NRBP2: variants seen among roughly 807,000 people sequenced by gnomAD.
The protein encoded by NRBP2 is nuclear receptor-binding protein 2.
Under a neutral mutation model 74.4 loss-of-function variants are expected in NRBP2, and 47 were observed. The observed-to-expected ratio is 0.63, with a 90% CI of 0.50 to 0.81. The LOEUF (loss-of-function observed/expected upper bound fraction) is 0.81, where lower values mean the gene tolerates loss of function less well. NRBP2 is among the 30% of genes least tolerant of loss of function. The probability of loss-of-function intolerance (pLI) is 0.00; values close to 1 mark genes in which losing one functional copy is unlikely to be tolerated. For synonymous variants in NRBP2, 312 were observed against 273.8 expected (o/e 1.14, Z -1.38); for missense variants, 613 against 690.1 (o/e 0.89, Z 1.25).
Position 143,839,580 on chromosome 8 carries a change from G to A in NRBP2, c.445-31C>T. Reference sequence around the variant, plus strand: ...GGCGGACGCACGACTCCGTCGGTCGGGTGGGCGCAGGAGAGGCGGCTGGGC... The same window carrying A: ...GGCGGACGCACGACTCCGTCGGTCGAGTGGGCGCAGGAGAGGCGGCTGGGC... On this transcript the variant is annotated intron_variant, in intron 4 of 17. Transcript: ENST00000442628. This position sits in a 1 kb window ranked among gnomAD's most constrained non-coding sequence, Gnocchi z 5.1. 6.6e-7 allele frequency: 1 copy of A among 1,525,292 alleles called. No homozygotes were observed. The highest frequency in any genetic ancestry group is 1.2e-5 in the South Asian group (1 of 82,908). 94.5% of individuals were successfully genotyped at this position (1,525,292 alleles called of 1,614,324 possible).
chr8:143,838,589 T>G, intron 10 of NRBP2, 91 bp downstream of exon 10: 1 of 919,646 alleles, frequency 1.1e-6, no homozygotes, highest in South Asian at 1.6e-5. Context: ...CTGCACAAAC[T>G]GTGATGTTCT....
chr8:143,831,054 T>TG (rs770900227), downstream of NRBP2, among the ~76,000 whole-genome samples: 2 of 151,852 alleles, frequency 1.3e-5, no homozygotes, highest in East Asian at 3.9e-4. Context: ...GGATGGGAGG[T>TG]GGGGGGCTGG....
Position 143,839,001 on chromosome 8 carries a change from A to G in NRBP2, c.688+16T>C. 10 of 1,551,812 alleles carry G rather than the reference A, an allele frequency of 6.4e-6. No homozygotes were observed. The highest frequency in any genetic ancestry group is 7.8e-6 in the Non-Finnish European group (9 of 1,148,516). The stretch of plus-strand genomic sequence containing the variant: ...CGCAGGGTAGGCACGGGGCACCCGG[A>G]CCCAGCACCACTCACCTCCATACTC... On this transcript the variant is annotated intron_variant, in intron 8 of 17. Coordinates refer to ENST00000442628, the MANE Select transcript of NRBP2 (RefSeq NM_178564.4). The surrounding 1 kb of genome is among the most constrained non-coding windows in gnomAD (Gnocchi z 5.1).
In NRBP2 at chr8:143,840,294, C is replaced by T; in HGVS notation, c.130-65G>A. On this transcript the variant is annotated intron_variant, in intron 1 of 17. Coordinates refer to ENST00000442628, the MANE Select transcript of NRBP2 (RefSeq NM_178564.4). This position sits in a 1 kb window ranked among gnomAD's most constrained non-coding sequence, Gnocchi z 5.7. ...TCAGGGTTGTGGGTGAGGATTTGGT[C>T]CCTGTCCACACCTTTCCAGTGGGCC... 6.6e-7 allele frequency: 1 copy of T among 1,524,724 alleles called. No homozygotes were observed. The highest frequency in any genetic ancestry group is 8.8e-7 in the Non-Finnish European group (1 of 1,140,176). 94.4% of individuals were successfully genotyped at this position (1,524,724 alleles called of 1,614,324 possible). A position where few individuals can be genotyped will look rare whatever the true frequency, so the allele number is the denominator to read the frequency against.
chr8:143,838,084 T>A (rs1818509343), intron 10 of NRBP2: 1 of 566,336 alleles, frequency 1.8e-6, no homozygotes, highest in African/African-American at 1.9e-5. Context: ...GGCCCAACAC[T>A]GGAGACGACC....
chr8:143,839,880 C>T lies in NRBP2; in HGVS notation c.354+49G>A. 3 of 1,534,836 alleles carry T rather than the reference C, an allele frequency of 2.0e-6. No homozygotes were observed. The highest frequency in any genetic ancestry group is 2.6e-6 in the Non-Finnish European group (3 of 1,145,728). On this transcript the variant is annotated intron_variant, in intron 3 of 17. Coordinates refer to ENST00000442628, the MANE Select transcript of NRBP2 (RefSeq NM_178564.4). The surrounding 1 kb of genome is among the most constrained non-coding windows in gnomAD (Gnocchi z 5.1). Reference sequence around the variant, plus strand: ...AGCTGCGGGTTCGTCCCCATGCCCGCCCCACCTAGCTGTGGTCTCTGCCTG... The same window carrying T: ...AGCTGCGGGTTCGTCCCCATGCCCGTCCCACCTAGCTGTGGTCTCTGCCTG...
Position 143,836,829 on chromosome 8 carries a change from G to A in NRBP2, c.1263+210C>T, listed in dbSNP as rs148337751. Among the ~76,000 whole-genome samples, 1,037 of 152,104 alleles carry A rather than the reference G, an allele frequency of 6.8e-3. 9 individuals carry two copies. The highest frequency in any genetic ancestry group is 0.012 in the Non-Finnish European group (786 of 67,960). On this transcript the variant is annotated intron_variant, in intron 14 of 17. Transcript: ENST00000442628. ...GCAGGATGCAGGGGAAGGATCTGAG[G>A]GGACAGGGAGCCTCCCGGAAAAGGA...
chr8:143,830,269 G>A (rs949922286), downstream of NRBP2, among the ~76,000 whole-genome samples: 5 of 152,248 alleles, frequency 3.3e-5, no homozygotes, highest in Non-Finnish European at 7.3e-5. Flanking sequence ...GGTGGACAGC[G>A]AGAGCTACTC....
At chr8:143,836,789 G>A (rs1818419285) in intron 14 of NRBP2, among the ~76,000 whole-genome samples, 1 of 152,000 alleles carries the variant, frequency 6.6e-6, no homozygotes, top group Non-Finnish European at 1.5e-5. Context: ...GCTTGGAGTA[G>A]GTTCAGGGCA....
chr8:143,833,102 T>G (rs990727666), downstream of NRBP2, among the ~76,000 whole-genome samples: 1 of 152,138 alleles, frequency 6.6e-6, no homozygotes, highest in Non-Finnish European at 1.5e-5. Context: ...ACCACTGGGC[T>G]GTAAGTCCAA....
chr8:143,839,939 G>A lies in NRBP2; in HGVS notation c.344C>T (p.Ala115Val). 1 of 1,536,112 alleles carries A rather than the reference G, an allele frequency of 6.5e-7. No individual in the cohort carries two copies. Among genetic ancestry groups the A allele is most frequent in the South Asian group, 1.2e-5 (1 of 84,056 alleles). The change falls in exon 3 of 18, where the codon GCC (alanine) becomes GTC (valine). Residue 115 changes from alanine to valine, a missense_variant. Ala to Val is a moderately conservative substitution (Grantham distance 64). Around this residue, in one of 2 missense-constraint regions of NRBP2, gnomAD observed 332 missense variants for 429.2 expected, o/e 0.77. Coordinates refer to ENST00000442628, the MANE Select transcript of NRBP2 (RefSeq NM_178564.4). This position sits in a 1 kb window ranked among gnomAD's most constrained non-coding sequence, Gnocchi z 5.1. Reference sequence around the variant, plus strand: ...CTTGCCCGTGCTCACCCTCGCGCAGGCCTCAGAGGTATCCAGCCAGTACTT... The same window carrying A: ...CTTGCCCGTGCTCACCCTCGCGCAGACCTCAGAGGTATCCAGCCAGTACTT... ...LHKYWLDTSE[A>V]CARVIFITEY...
chr8:143,839,667 C>T lies in NRBP2; in HGVS notation c.444+69G>A, dbSNP rs1818607192. Reference sequence around the variant, plus strand: ...TCCGAGGCCGCCGGGCACCCCCTCACCATCCCAGTCCCCGAGGCTGCCCCA... The same window carrying T: ...TCCGAGGCCGCCGGGCACCCCCTCATCATCCCAGTCCCCGAGGCTGCCCCA... On this transcript the variant is annotated intron_variant, in intron 4 of 17. Transcript: ENST00000442628. This position sits in a 1 kb window ranked among gnomAD's most constrained non-coding sequence, Gnocchi z 5.1. 3 of 1,526,058 alleles carry T rather than the reference C, an allele frequency of 2.0e-6. No individual in the cohort carries two copies. The highest frequency in any genetic ancestry group is 4.9e-5 in the East Asian group (2 of 40,730). The allele number at this position is 1,526,058 out of a possible 1,614,324, so 94.5% of individuals were successfully genotyped here. A position where few individuals can be genotyped will look rare whatever the true frequency, so the allele number is the denominator to read the frequency against.
In NRBP2 at chr8:143,837,817, C is replaced by A; in HGVS notation, c.841-62G>T. On this transcript the variant is annotated intron_variant, in intron 10 of 17. Coordinates refer to ENST00000442628, the MANE Select transcript of NRBP2 (RefSeq NM_178564.4). This position sits in a 1 kb window ranked among gnomAD's most constrained non-coding sequence, Gnocchi z 4.3. Reference sequence around the variant, plus strand: ...GGCTCTCTGCTCTGGCCCCGCAGTTCGAGGAGAGGTGGCCCCTGAGTTCCC... The same window carrying A: ...GGCTCTCTGCTCTGGCCCCGCAGTTAGAGGAGAGGTGGCCCCTGAGTTCCC... 1 of 1,546,018 alleles carries A rather than the reference C, an allele frequency of 6.5e-7. No individual in the cohort carries two copies. Among genetic ancestry groups the A allele is most frequent in the Non-Finnish European group, 8.7e-7 (1 of 1,144,752 alleles).
chr8:143,838,137 T>TCCAGCTCGCCA (rs1416775865), intron 10 of NRBP2: 1 of 441,914 alleles, frequency 2.3e-6, no homozygotes, highest in African/African-American at 2.0e-5. Context: ...CCAGCCCGGC[T>TCCAGCTCGCCA]CCAGCTCGCC....
intron 9 of NRBP2, 43 bp from the exon 10 acceptor site, chr8:143,838,818 A>G (rs1554652617): frequency 1.2e-6 from 2 of 1,611,502 alleles, no homozygotes; most frequent in Admixed American, 1.7e-5. Context: ...GGGACCACAC[A>G]GGTGAGCCAG....
chr8:143,837,068 G>T lies in NRBP2; in HGVS notation c.1234C>A (p.Pro412Thr). The T allele has an allele frequency of 6.2e-7, 1 of 1,612,052 alleles. No homozygotes were observed. Among genetic ancestry groups the T allele is most frequent in the Non-Finnish European group, 8.5e-7 (1 of 1,179,288 alleles). Reference sequence around the variant, plus strand: ...CTGGTCTCAGAGTCAAAGGGCTCTGGCGTCGGGGTCTTGGCCTTTTGGACC... The same window carrying T: ...CTGGTCTCAGAGTCAAAGGGCTCTGTCGTCGGGGTCTTGGCCTTTTGGACC... ...EEVQKAKTPTPEPFDSETRKV... is the reference protein window; with the variant it reads ...EEVQKAKTPTTEPFDSETRKV... The change falls in exon 14 of 18, where the codon CCA (proline) becomes ACA (threonine). Residue 412 changes from proline (P) to threonine (T), a missense_variant. Transcript: ENST00000442628. The surrounding 1 kb of genome is among the most constrained non-coding windows in gnomAD (Gnocchi z 4.3).
downstream of NRBP2, chr8:143,833,396 C>T (rs1363383254): frequency 6.6e-6 from 1 of 152,180 alleles, no homozygotes; most frequent in African/African-American, 2.4e-5. Flanking sequence ...AACACCCATG[C>T]AGCTATGATG....
Position 143,840,969 on chromosome 8 carries a change from G to A in NRBP2, c.-135C>T. The A allele has an allele frequency of 9.0e-7, 1 of 1,115,680 alleles. No homozygotes were observed. The highest frequency in any genetic ancestry group is 1.1e-6 in the Non-Finnish European group (1 of 914,408). 69.1% of individuals were successfully genotyped at this position (1,115,680 alleles called of 1,614,324 possible). On this transcript the variant is annotated 5_prime_UTR_variant, in exon 1 of 18. Transcript: ENST00000442628. This position sits in a 1 kb window ranked among gnomAD's most constrained non-coding sequence, Gnocchi z 5.7. ...GCCTAGAGCCCCAGCCCCGGCTCTG[G>A]GAATTGGGAGGCGCGGGCGCGCGGC...
At position 143,836,009 on chromosome 8, in the gene NRBP2, C is replaced by T; in HGVS notation, c.1339G>A (p.Glu447Lys). The change falls in exon 16 of 18, where the codon GAA (glutamate) becomes AAA (lysine). Residue 447 changes from glutamate to lysine, a missense_variant. By Grantham distance (56) the Glu-to-Lys change is moderately conservative. Coordinates refer to ENST00000442628, the MANE Select transcript of NRBP2 (RefSeq NM_178564.4). ...GTCAGCTGCCGGTGCAGCCGGTCTT[C>T]CAGCACCAGAAGCAGAGTGAGCTGG... ...RWHLTLLLVL[E>K]DRLHRQLTYD... 2 of 1,576,974 alleles carry T rather than the reference C, an allele frequency of 1.3e-6. No homozygotes were observed. The highest frequency in any genetic ancestry group is 8.6e-7 in the Non-Finnish European group (1 of 1,161,414).
Sources: allele counts gnomAD v4.1 joint callset (sites outside exome capture counted in the v4.1 genomes callset), GRCh38; gene constraint gnomAD v4.1.1; regional missense constraint gnomAD v4.1.1; non-coding constraint Gnocchi (gnomAD v3.1); transcripts MANE v1.5; gene names NCBI Gene and HGNC (gene_info 2026-07-23, HGNC 2026-07-21).